RORA: variants seen among roughly 807,000 people sequenced by gnomAD.
The protein encoded by RORA is nuclear receptor ROR-alpha.
RORA carries 7 observed loss-of-function variants against 69.5 expected under a neutral mutation model. The ratio of observed to expected loss-of-function variants is 0.10; its 90% confidence interval spans 0.06 to 0.19. The LOEUF is 0.19. RORA is among the 10% of genes least tolerant of loss of function. The pLI is 1.00. For synonymous variants in RORA, 261 were observed against 240.8 expected (o/e 1.08, Z -0.78); for missense variants, 457 against 663.0 (o/e 0.69, Z 3.41).
chr15:60,716,742 A>G (rs1408718669), intron 1 of RORA, among the ~76,000 whole-genome samples: 1 of 152,098 alleles, frequency 6.6e-6, no homozygotes, highest in Admixed American at 6.6e-5. Flanking sequence ...TATACTCTGA[A>G]GAGAGATAAT....
intron 1 of RORA, among the ~76,000 whole-genome samples, chr15:61,143,176 A>C (rs1461414896): frequency 6.6e-6 from 1 of 152,190 alleles, no homozygotes; most frequent in Non-Finnish European, 1.5e-5. Context: ...TAGCTTATAT[A>C]AACAAAAGCC....
At chr15:60,948,444 C>T (rs1382439753) in intron 1 of RORA, among the ~76,000 whole-genome samples, 1 of 152,204 alleles carries the variant, frequency 6.6e-6, no homozygotes, top group Non-Finnish European at 1.5e-5. Context: ...CTCCATGGTT[C>T]ATTTCCTCAG....
chr15:60,583,469 G>A (rs2140491998), intron 2 of RORA, among the ~76,000 whole-genome samples: 1 of 152,334 alleles, frequency 6.6e-6, no homozygotes, highest in Non-Finnish European at 1.5e-5. Flanking sequence ...CACAGTATTG[G>A]CAAGACCCAG....
intron 1 of RORA, among the ~76,000 whole-genome samples, chr15:61,005,933 C>CAT (rs1293236831): frequency 6.6e-6 from 1 of 151,450 alleles, no homozygotes; most frequent in East Asian, 1.9e-4. Flanking sequence ...GGCTTAGAGC[C>CAT]ATATATATAT....
At chr15:61,074,557 T>A (rs1027879462) in intron 1 of RORA, among the ~76,000 whole-genome samples, 1 of 152,214 alleles carries the variant, frequency 6.6e-6, no homozygotes, top group Admixed American at 6.5e-5. Context: ...GATTCTGACT[T>A]TGAAATGCTG....
intron 1 of RORA, among the ~76,000 whole-genome samples, chr15:60,975,915 T>A (rs994437897): frequency 6.6e-6 from 1 of 152,196 alleles, no homozygotes; most frequent in Non-Finnish European, 1.5e-5. Context: ...AGAGTTGGCA[T>A]TTGCATTTTG....
At chr15:60,939,771 C>T (rs1043378220) in intron 1 of RORA, among the ~76,000 whole-genome samples, 3 of 152,214 alleles carry the variant, frequency 2.0e-5, no homozygotes, top group Non-Finnish European at 2.9e-5. Flanking sequence ...TAGCCCTGTA[C>T]CCCTGCAATG....
chr15:60,817,408 C>T (rs2072833196), intron 1 of RORA, among the ~76,000 whole-genome samples: 1 of 152,182 alleles, frequency 6.6e-6, no homozygotes, highest in Non-Finnish European at 1.5e-5. Context: ...CAGACTTCAT[C>T]GAGGCAGGCT....
chr15:61,113,713 G>A (rs768733778), intron 1 of RORA, among the ~76,000 whole-genome samples: 7 of 151,996 alleles, frequency 4.6e-5, no homozygotes, highest in South Asian at 2.1e-4. Context: ...GCACACATGC[G>A]GATATATACA....
At chr15:61,109,060 G>A (rs990799073) in intron 1 of RORA, among the ~76,000 whole-genome samples, 1 of 152,146 alleles carries the variant, frequency 6.6e-6, no homozygotes, top group African/African-American at 2.4e-5. Context: ...ACTGGGTGTG[G>A]TGGTGCACGC....
intron 1 of RORA, among the ~76,000 whole-genome samples, chr15:60,878,204 C>T (rs1288986357): frequency 1.4e-5 from 2 of 144,478 alleles, no homozygotes; most frequent in African/African-American, 2.5e-5. Context: ...ATTAGCCAGG[C>T]GTAGTGGCGG....
intron 1 of RORA, among the ~76,000 whole-genome samples, chr15:60,866,661 G>A (rs1032616530): frequency 6.6e-6 from 1 of 152,114 alleles, no homozygotes. Context: ...GGCCAATCAT[G>A]CCTACATGAC....
At chr15:61,008,367 T>C (rs1523530) in intron 1 of RORA, among the ~76,000 whole-genome samples, 1 of 151,926 alleles carries the variant, frequency 6.6e-6, no homozygotes. Context: ...ATATTTGATT[T>C]AGCTCTCTAA....
intron 1 of RORA, among the ~76,000 whole-genome samples, chr15:60,727,974 C>T (rs990435842): frequency 5.9e-5 from 9 of 152,232 alleles, no homozygotes; most frequent in Non-Finnish European, 7.3e-5. Context: ...GGTCTACCTG[C>T]TCACAATGGG....
At chr15:60,817,620 C>T (rs112802666) in intron 1 of RORA, among the ~76,000 whole-genome samples, 2,553 of 152,312 alleles carry the variant, frequency 0.017, 74 homozygotes, top group African/African-American at 0.058. Context: ...CTCTCCTTGG[C>T]GCCCTGACAC....
intron 1 of RORA, among the ~76,000 whole-genome samples, chr15:60,719,120 A>G (rs1163672263): frequency 4.5e-5 from 1 of 22,228 alleles, no homozygotes; most frequent in Non-Finnish European, 8.3e-5. Flanking sequence ...ACTTGATCAA[A>G]TCAACTGTAA....
At chr15:60,936,534 C>T (rs1032915547) in intron 1 of RORA, among the ~76,000 whole-genome samples, 2 of 152,208 alleles carry the variant, frequency 1.3e-5, no homozygotes, top group Admixed American at 6.5e-5. Context: ...ATGTTTGCCT[C>T]GGCATCCTCT....
chr15:60,592,585 A>C, intron 2 of RORA: 12 of 1,196,498 alleles, frequency 1.0e-5, no homozygotes, highest in African/African-American at 1.6e-5. Flanking sequence ...GGCTGACATC[A>C]CGGCCGCCGC....
At chr15:60,837,172 C>T (rs1245797954) in intron 1 of RORA, among the ~76,000 whole-genome samples, 2 of 152,092 alleles carry the variant, frequency 1.3e-5, no homozygotes, top group Non-Finnish European at 2.9e-5. Context: ...ATGCCGCACC[C>T]CCTCGTTGAC....
Sources: gnomAD v4.1 joint callset for allele counts (sites outside exome capture counted in the v4.1 genomes callset) on GRCh38, gnomAD v4.1.1 for gene constraint, MANE v1.5 for transcripts, NCBI Gene and HGNC (gene_info 2026-07-23, HGNC 2026-07-21) for gene names.